ARAP2: variants seen among roughly 807,000 people sequenced by gnomAD.
The protein encoded by ARAP2 is ArfGAP with RhoGAP domain, ankyrin repeat and PH domain 2.
Under a neutral mutation model 194.5 loss-of-function variants are expected in ARAP2, and 148 were observed. The observed-to-expected ratio is 0.76, with a 90% CI of 0.67 to 0.87. The LOEUF is 0.87. Ranked by LOEUF, ARAP2 falls within the 40% of genes least tolerant of loss-of-function variation. The pLI is 0.00. For missense variants in ARAP2, 2,128 were observed against 1,989.7 expected, an observed-to-expected ratio of 1.07 and a Z score of -1.32; for synonymous variants, 695 against 683.5, an observed-to-expected ratio of 1.02 and a Z score of -0.26.
At chr4:36,168,641 G>A (rs538367788) in intron 9 of ARAP2, among the ~76,000 whole-genome samples, 1 of 152,244 alleles carries the variant, frequency 6.6e-6, no homozygotes, top group South Asian at 2.1e-4. Context: ...AAAGTTTTTA[G>A]TTAGAATAAG....
intron 2 of ARAP2, among the ~76,000 whole-genome samples, chr4:36,223,657 A>G (rs968409145): frequency 6.6e-6 from 1 of 152,156 alleles, no homozygotes; most frequent in Non-Finnish European, 1.5e-5. Context: ...AAATACAGTC[A>G]TAAGGGTGGG....
At position 36,127,299 on chromosome 4, in the gene ARAP2, T is replaced by C. The variant is rs530932801; in HGVS notation, c.3640+1234A>G. The stretch of plus-strand genomic sequence containing the variant: ...AAGCAATGTATTTAGCTCTGTGTTT[T>C]ATATCTTAGAAAATTATACACTTAA... On this transcript the variant is annotated intron_variant, in intron 21 of 32. Coordinates refer to ENST00000303965, the MANE Select transcript of ARAP2 (RefSeq NM_015230.4). Among the ~76,000 whole-genome samples the C allele has an allele frequency of 4.3e-4, 66 of 152,214 alleles. No homozygotes were observed. In the South Asian group the frequency reaches 0.013, roughly 31 times the overall value.
In ARAP2 at chr4:36,117,100, A is replaced by G. The variant is rs370566601; in HGVS notation, c.3999T>C (p.Tyr1333=). Reference sequence around the variant, plus strand: ...TACAGTCGGGTTCCTTCCTTTCTACATATACTTCAATTAACAAATCTCCAG... The same window carrying G: ...TACAGTCGGGTTCCTTCCTTTCTACGTATACTTCAATTAACAAATCTCCAG... The part of the protein sequence containing the change: ...SQAGDLLIEV[Y]VERKEPDCSI... Residue 1333 remains tyrosine (Y), a synonymous_variant, in exon 25 of 33, where the codon TAT becomes TAC. Transcript: ENST00000303965. 1.6e-5 allele frequency: 25 copies of G among 1,600,874 alleles called. No individual in the cohort carries two copies. The African/African-American group carries it at 2.8e-4, about 18-fold the overall frequency.
chr4:36,044,719 G>GT (rs1483551427), intron 5 of ARAP2, among the ~76,000 whole-genome samples: 1 of 152,008 alleles, frequency 6.6e-6, no homozygotes, highest in Non-Finnish European at 1.5e-5. Context: ...AACTAAAAAG[G>GT]TTTTGTATAG....
Position 36,124,976 on chromosome 4 carries a change from GAA to G in ARAP2, c.3641-11_3641-10del. On this transcript the variant is annotated splice_polypyrimidine_tract_variant and intron_variant, in intron 21 of 32. Coordinates refer to ENST00000303965, the MANE Select transcript of ARAP2 (RefSeq NM_015230.4). ...CTTGTCATCTTGCGTATCTGAAGGG[GAA>G]AAAAAAACAATCTTGAGATCTAAAC... 1 of 1,481,982 alleles carries G rather than the reference GAA, an allele frequency of 6.7e-7. No homozygotes were observed. Among genetic ancestry groups the G allele is most frequent in the Non-Finnish European group, 9.3e-7 (1 of 1,080,602 alleles). The allele number at this position is 1,481,982 out of a possible 1,614,324, so 91.8% of individuals were successfully genotyped here. A position where few individuals can be genotyped will look rare whatever the true frequency, so the allele number is the denominator to read the frequency against.
At chr4:36,211,972 G>C (rs1194604482) in intron 5 of ARAP2, among the ~76,000 whole-genome samples, 2 of 139,496 alleles carry the variant, frequency 1.4e-5, no homozygotes, top group African/African-American at 5.3e-5. Flanking sequence ...CCAAATAACT[G>C]GATAATTGTC....
intron 27 of ARAP2, among the ~76,000 whole-genome samples, chr4:36,098,655 T>A (rs1411101556): frequency 6.6e-6 from 1 of 152,080 alleles, no homozygotes; most frequent in Non-Finnish European, 1.5e-5. Flanking sequence ...GGAAAACCAA[T>A]CCTTGTCTCT....
chr4:36,204,592 A>G (rs1216945954), intron 6 of ARAP2, among the ~76,000 whole-genome samples: 2 of 152,220 alleles, frequency 1.3e-5, no homozygotes, highest in African/African-American at 4.8e-5. Context: ...AAGTTTTCTT[A>G]GCGGGCTACA....
downstream of ARAP2, chr4:36,065,807 T>C (rs984087050): frequency 3.9e-5 from 6 of 152,378 alleles, no homozygotes; most frequent in African/African-American, 1.4e-4. Context: ...ACAGAGCCTG[T>C]AATTGTGCCT....
At chr4:36,219,988 TA>T (rs1033256830) in intron 2 of ARAP2, among the ~76,000 whole-genome samples, 2 of 152,204 alleles carry the variant, frequency 1.3e-5, no homozygotes, top group African/African-American at 4.8e-5. Context: ...AAACCTTTTT[TA>T]AAAGCATCCT....
At chr4:36,051,690 A>T (rs1285272539) in intron 3 of ARAP2, among the ~76,000 whole-genome samples, 1 of 152,166 alleles carries the variant, frequency 6.6e-6, no homozygotes, top group Non-Finnish European at 1.5e-5. Context: ...ATACTCTTTT[A>T]GAAGTGTTTT....
chr4:36,212,669 T>TG (rs1204216815), intron 4 of ARAP2, among the ~76,000 whole-genome samples, 182 bp from the exon 5 acceptor site: 2 of 38,266 alleles, frequency 5.2e-5, no homozygotes, highest in Admixed American at 7.1e-4. Flanking sequence ...AACAGACTTT[T>TG]GATTTTTTTT....
At chr4:36,024,409 T>G (rs1373861302) in intron 5 of ARAP2, among the ~76,000 whole-genome samples, 1 of 152,206 alleles carries the variant, frequency 6.6e-6, no homozygotes, top group East Asian at 1.9e-4. Flanking sequence ...AAGAAAATAT[T>G]GGAATGCATA....
intron 6 of ARAP2, among the ~76,000 whole-genome samples, chr4:36,199,944 C>G (rs1744016526): frequency 1.3e-5 from 2 of 152,040 alleles, no homozygotes; most frequent in Admixed American, 1.3e-4. Context: ...CACTGTATAC[C>G]TTAAACACAT....
chr4:36,172,626 T>C (rs1332621692), intron 9 of ARAP2, among the ~76,000 whole-genome samples: 1 of 152,128 alleles, frequency 6.6e-6, no homozygotes, highest in African/African-American at 2.4e-5. Context: ...ATTTTAAAAC[T>C]ACACAGTGAA....
intron 3 of ARAP2, among the ~76,000 whole-genome samples, chr4:36,049,144 T>TA (rs561629899): frequency 4.3e-4 from 64 of 147,394 alleles, no homozygotes; most frequent in African/African-American, 7.9e-4. Context: ...TCTATTTCTG[T>TA]AAAAAAAAAA....
intron 6 of ARAP2, among the ~76,000 whole-genome samples, chr4:36,206,029 C>T (rs1050232913): frequency 1.3e-5 from 2 of 152,210 alleles, no homozygotes; most frequent in African/African-American, 4.8e-5. Context: ...ATATAACACC[C>T]TAGTCAAACA....
At chr4:36,151,839 C>T (rs1731071667) in intron 15 of ARAP2, among the ~76,000 whole-genome samples, 1 of 151,786 alleles carries the variant, frequency 6.6e-6, no homozygotes, top group Non-Finnish European at 1.5e-5. Flanking sequence ...TATACACATA[C>T]TCAGAAAGAA....
chr4:36,121,142 T>A (rs760779775), intron 23 of ARAP2, 37 bp downstream of exon 23: 1 of 1,496,448 alleles, frequency 6.7e-7, no homozygotes, highest in Non-Finnish European at 9.1e-7. Flanking sequence ...AGTGACATTA[T>A]AACCATTTTA....
Sources: allele counts gnomAD v4.1 joint callset (sites outside exome capture counted in the v4.1 genomes callset), GRCh38; gene constraint gnomAD v4.1.1; transcripts MANE v1.5; gene names NCBI Gene and HGNC (gene_info 2026-07-23, HGNC 2026-07-21).